SEMA6D: variants seen among roughly 807,000 people sequenced by gnomAD.
SEMA6D encodes the protein semaphorin-6D.
SEMA6D carries 35 observed loss-of-function variants against 106.6 expected under a neutral mutation model. The ratio of observed to expected loss-of-function variants is 0.33; its 90% CI spans 0.25 to 0.44. SEMA6D has a LOEUF of 0.44. SEMA6D is among the 20% of genes least tolerant of loss of function. The probability of loss-of-function intolerance (pLI) is 1.00; values close to 1 mark genes in which losing one functional copy is unlikely to be tolerated. For missense variants in SEMA6D, 1,185 were observed against 1,345.9 expected (o/e 0.88, Z 1.87); for synonymous variants, 499 against 487.7 (o/e 1.02, Z -0.31).
intron 4 of SEMA6D, among the ~76,000 whole-genome samples, chr15:47,612,934 T>C (rs1429298168): frequency 6.6e-6 from 1 of 152,232 alleles, no homozygotes; most frequent in Non-Finnish European, 1.5e-5. Context: ...AATGCTAATG[T>C]AGAATTTAAA....
At chr15:47,632,274 A>G (rs1472146003) in intron 4 of SEMA6D, among the ~76,000 whole-genome samples, 2 of 151,918 alleles carry the variant, frequency 1.3e-5, no homozygotes, top group East Asian at 1.9e-4. Flanking sequence ...TATAAAGTCT[A>G]TTCTGCTGTT....
chr15:47,461,845 A>T (rs2042523074), intron 2 of SEMA6D, among the ~76,000 whole-genome samples: 1 of 152,024 alleles, frequency 6.6e-6, no homozygotes, highest in Non-Finnish European at 1.5e-5. Context: ...AAGAATGTAT[A>T]TGTTTCTGCT....
At chr15:47,221,467 G>T (rs979343598) in intron 1 of SEMA6D, among the ~76,000 whole-genome samples, 11 of 152,124 alleles carry the variant, frequency 7.2e-5, no homozygotes, top group African/African-American at 2.7e-4. Context: ...ATCAAAGTCT[G>T]TTCCTAGGAG....
chr15:47,417,860 A>T (rs1372695535), intron 2 of SEMA6D, among the ~76,000 whole-genome samples: 1 of 151,898 alleles, frequency 6.6e-6, no homozygotes, highest in East Asian at 1.9e-4. Flanking sequence ...TGAACAAATT[A>T]TCGATCACCA....
intron 4 of SEMA6D, among the ~76,000 whole-genome samples, chr15:47,653,418 A>T (rs1045306521): frequency 6.6e-6 from 1 of 152,224 alleles, no homozygotes; most frequent in Non-Finnish European, 1.5e-5. Context: ...ATACTCACGC[A>T]TTCTTCTCAA....
At chr15:47,238,851 T>C (rs529694602) in intron 1 of SEMA6D, among the ~76,000 whole-genome samples, 1 of 152,258 alleles carries the variant, frequency 6.6e-6, no homozygotes, top group South Asian at 2.1e-4. Context: ...AAGGTGCTCC[T>C]CTCCTCTTTT....
At chr15:47,478,752 G>C (rs762251188) in intron 3 of SEMA6D, among the ~76,000 whole-genome samples, 3 of 152,058 alleles carry the variant, frequency 2.0e-5, no homozygotes, top group Non-Finnish European at 4.4e-5. Context: ...CTGTTCTCAA[G>C]CTACTAATAA....
chr15:47,448,975 T>C (rs2140903150), intron 2 of SEMA6D, among the ~76,000 whole-genome samples: 1 of 152,218 alleles, frequency 6.6e-6, no homozygotes, highest in East Asian at 1.9e-4. Flanking sequence ...CCCCCATTCA[T>C]AGCTACTCTT....
rs1178594028 is a variant in SEMA6D at position 47,768,750 on chromosome 15, T to C, written c.1933+2T>C. The C allele has an allele frequency of 2.5e-6, 4 of 1,611,794 alleles. No homozygotes were observed. ...ATCCTTTATCGGGTATCCCAAAGGG[T>C]AAGGCCTCAGCAGGGACCTCATCTC... On this transcript the variant is annotated splice_donor_variant, in intron 18 of 18. Coordinates refer to ENST00000536845, the MANE Select transcript of SEMA6D (RefSeq NM_001358351.3). LOFTEE classifies it high-confidence loss of function.
intron 2 of SEMA6D, among the ~76,000 whole-genome samples, chr15:47,466,571 A>G (rs577461979): frequency 2.6e-5 from 4 of 152,222 alleles, no homozygotes; most frequent in African/African-American, 9.6e-5. Context: ...GTGAACACTT[A>G]TGTTGTTTTC....
At chr15:47,413,359 G>A (rs896161151) in intron 2 of SEMA6D, among the ~76,000 whole-genome samples, 4 of 151,900 alleles carry the variant, frequency 2.6e-5, no homozygotes, top group Non-Finnish European at 5.9e-5. Context: ...TGTTTAATAG[G>A]TTAAATTAAA....
intron 4 of SEMA6D, among the ~76,000 whole-genome samples, chr15:47,671,109 C>A (rs1263925758): frequency 6.6e-6 from 1 of 152,098 alleles, no homozygotes; most frequent in Non-Finnish European, 1.5e-5. Context: ...CAAAGCAAAT[C>A]TCATTACACA....
intron 3 of SEMA6D, among the ~76,000 whole-genome samples, chr15:47,506,283 G>A (rs943035054): frequency 6.6e-6 from 1 of 152,108 alleles, no homozygotes; most frequent in South Asian, 2.1e-4. Context: ...ATCTTAGAGG[G>A]CACCTTTAGG....
intron 3 of SEMA6D, among the ~76,000 whole-genome samples, chr15:47,538,941 G>A (rs1435350132): frequency 6.6e-6 from 1 of 152,162 alleles, no homozygotes; most frequent in African/African-American, 2.4e-5. Flanking sequence ...TGCCTGGTAT[G>A]AAGAAGATCT....
At chr15:47,316,070 TCTTG>T (rs2036658360) in intron 1 of SEMA6D, among the ~76,000 whole-genome samples, 1 of 147,642 alleles carries the variant, frequency 6.8e-6, no homozygotes. Context: ...CAGTTTTATT[TCTTG>T]CTTCCCAATC....
At chr15:47,550,716 C>T (rs1028534095) in intron 3 of SEMA6D, among the ~76,000 whole-genome samples, 4 of 152,102 alleles carry the variant, frequency 2.6e-5, no homozygotes, top group Non-Finnish European at 5.9e-5. Flanking sequence ...TTTCCAAGCT[C>T]AAGTAATCCT....
At position 47,473,472 on chromosome 15, in the gene SEMA6D, C is replaced by T. The variant is rs541237665; in HGVS notation, c.-87+2927C>T. ...TCAAAGCCAGTAATTATGCTGAAGT[C>T]CCCTGACTCACATTACACACTCTGA... is the stretch of plus-strand genomic sequence containing the variant. On this transcript the variant is annotated intron_variant, in intron 3 of 19. Transcript: ENST00000558014. 7.9e-5 allele frequency among the ~76,000 whole-genome samples: 12 copies of T among 152,232 alleles called. No individual in the cohort carries two copies. The East Asian group carries it at 2.3e-3, about 29-fold the overall frequency.
At chr15:47,258,305 G>T (rs1461902872) in intron 1 of SEMA6D, among the ~76,000 whole-genome samples, 1 of 152,108 alleles carries the variant, frequency 6.6e-6, no homozygotes, top group Non-Finnish European at 1.5e-5. Context: ...TAGTTTTTAT[G>T]TGTCAATTTG....
At chr15:47,499,797 G>A (rs543192043) in intron 3 of SEMA6D, among the ~76,000 whole-genome samples, 2 of 152,120 alleles carry the variant, frequency 1.3e-5, no homozygotes, top group South Asian at 4.2e-4. Flanking sequence ...TGGGTTGATA[G>A]CCTGTTATTT....
Sources: gnomAD v4.1 joint callset for allele counts (sites outside exome capture counted in the v4.1 genomes callset) on GRCh38, gnomAD v4.1.1 for gene constraint, MANE v1.5 for transcripts, NCBI Gene and HGNC (gene_info 2026-07-23, HGNC 2026-07-21) for gene names.